The following GAP43 variants were observed in gnomAD, a reference collection of about 807,000 sequenced individuals.
GAP43 encodes neuromodulin.
GAP43 carries 6 observed loss-of-function variants against 18.6 expected under a neutral mutation model. The ratio of observed to expected loss-of-function variants is 0.32; its 90% CI spans 0.18 to 0.64. The LOEUF (loss-of-function observed/expected upper bound fraction) is 0.64, where lower values mean the gene tolerates loss of function less well. Ranked by LOEUF, GAP43 falls within the 30% of genes least tolerant of loss-of-function variation. GAP43 has a pLI of 0.78. For synonymous variants in GAP43, 115 were observed against 111.4 expected, an observed-to-expected ratio of 1.03 and a Z score of -0.20; for missense variants, 292 against 295.5, an observed-to-expected ratio of 0.99 and a Z score of 0.09.
chr3:115,692,020 G>T (rs1709121807), intron 2 of GAP43, among the ~76,000 whole-genome samples: 1 of 152,146 alleles, frequency 6.6e-6, no homozygotes. Context: ...GAACTGGATG[G>T]GCTTCAGGAG....
At chr3:115,688,370 C>T (rs1048640514) in intron 2 of GAP43, among the ~76,000 whole-genome samples, 1 of 152,078 alleles carries the variant, frequency 6.6e-6, no homozygotes, top group Non-Finnish European at 1.5e-5. Flanking sequence ...AAAAAATAGG[C>T]TAATAATGCA....
chr3:115,708,940 GTTTTTT>G (rs3086974), intron 2 of GAP43, among the ~76,000 whole-genome samples: 15 of 99,804 alleles, frequency 1.5e-4, no homozygotes, highest in East Asian at 3.0e-4. Flanking sequence ...AACTGGCTGG[GTTTTTT>G]TTTTTTTTTT....
chr3:115,663,712 T>C (rs762507865), intron 1 of GAP43: 10 of 1,509,382 alleles, frequency 6.6e-6, no homozygotes, highest in East Asian at 2.5e-5. Context: ...AAGATAAAAT[T>C]GGACTGACAG....
chr3:115,679,481 A>G lies in GAP43; in HGVS notation c.628+2871A>G, dbSNP rs977759343. On this transcript the variant is annotated intron_variant, in intron 2 of 2. Transcript: ENST00000305124. ...TGCCACGCTGCCTGCCCAGCTTTTT[A>G]CGTGCCTGGGACCAAAACATTTCAG... Among the ~76,000 whole-genome samples the G allele has an allele frequency of 3.3e-5, 5 of 152,200 alleles. No homozygotes were observed. The East Asian group carries it at 7.7e-4, about 23-fold the overall frequency.
chr3:115,661,626 C>T (rs1422550435), intron 1 of GAP43, among the ~76,000 whole-genome samples: 2 of 152,040 alleles, frequency 1.3e-5, no homozygotes, highest in Non-Finnish European at 2.9e-5. Context: ...GTAGCCGGGA[C>T]TACAGGCACC....
intron 2 of GAP43, among the ~76,000 whole-genome samples, chr3:115,708,940 G>GTTTTTTTTTTTTTTTTTTTTTTTTT (rs3086974): frequency 8.0e-5 from 8 of 99,808 alleles, no homozygotes; most frequent in African/African-American, 3.3e-4. Flanking sequence ...AACTGGCTGG[G>GTTTTTTTTTTTTTTTTTTTTTTTTT]TTTTTTTTTT....
intron 2 of GAP43, among the ~76,000 whole-genome samples, chr3:115,703,241 C>G: frequency 6.6e-6 from 1 of 152,024 alleles, no homozygotes; most frequent in Middle Eastern, 3.2e-3. Context: ...AAAGATGGCA[C>G]AATTCCAGTT....
chr3:115,720,914 C>T lies in GAP43; in HGVS notation c.*32C>T, dbSNP rs1709569958. 6.9e-7 allele frequency: 1 copy of T among 1,447,026 alleles called. No individual in the cohort carries two copies. The highest frequency in any genetic ancestry group is 9.7e-7 in the Non-Finnish European group (1 of 1,030,938). 89.6% of individuals were successfully genotyped at this position (1,447,026 alleles called of 1,614,324 possible). A position where few individuals can be genotyped will look rare whatever the true frequency, so the allele number is the denominator to read the frequency against. The stretch of plus-strand genomic sequence containing the variant: ...AGAAATGGCTTTCCACATCCCCACC[C>T]TCCCCTCTCCTGAGCCTGTCTCTCC... On this transcript the variant is annotated 3_prime_UTR_variant, in exon 3 of 3. Transcript: ENST00000305124.
At chr3:115,695,259 G>A (rs1709170201) in intron 2 of GAP43, among the ~76,000 whole-genome samples, 1 of 152,198 alleles carries the variant, frequency 6.6e-6, no homozygotes, top group Non-Finnish European at 1.5e-5. Context: ...GAAATGGAAT[G>A]TGACACACCC....
At position 115,663,806 on chromosome 3, in the gene GAP43, C is replaced by T. The variant is rs576408045; in HGVS notation, c.31-12207C>T. The T allele has an allele frequency of 4.3e-5, 67 of 1,551,778 alleles. No individual in the cohort carries two copies. The South Asian group carries it at 7.7e-4, about 18-fold the overall frequency. ...GACAAAGTCCTGCTCTGAATTATGCCACCCCGCACTCCACTTTTTACCTTG... is the reference window on the plus strand; with the variant it reads ...GACAAAGTCCTGCTCTGAATTATGCTACCCCGCACTCCACTTTTTACCTTG... On this transcript the variant is annotated intron_variant, in intron 1 of 2. Coordinates refer to ENST00000305124, the MANE Select transcript of GAP43 (RefSeq NM_002045.4).
At chr3:115,665,134 A>G (rs1353392542) in intron 1 of GAP43, among the ~76,000 whole-genome samples, 2 of 152,152 alleles carry the variant, frequency 1.3e-5, no homozygotes, top group Non-Finnish European at 2.9e-5. Context: ...ATAAATAAGT[A>G]TACTTCAAAA....
At position 115,698,108 on chromosome 3, in the gene GAP43, A is replaced by G. The variant is rs536445136; in HGVS notation, c.628+21498A>G. Among the ~76,000 whole-genome samples, 198 of 28,420 alleles carry G rather than the reference A, an allele frequency of 7.0e-3. 4 individuals are homozygous for G. The highest frequency in any genetic ancestry group is 0.022 in the Middle Eastern group (1 of 46). 18.6% of individuals were successfully genotyped at this position (28,420 alleles called of 152,430 possible). On this transcript the variant is annotated intron_variant, in intron 2 of 2. Transcript: ENST00000305124. Reference sequence around the variant, plus strand: ...AATATGTATTATATATAATATATAAAATATATAATATATATTATATATAAT... The same window carrying G: ...AATATGTATTATATATAATATATAAGATATATAATATATATTATATATAAT...
chr3:115,676,270 C>T lies in GAP43; in HGVS notation c.288C>T (p.Ser96=). 1.9e-6 allele frequency: 3 copies of T among 1,614,132 alleles called. No individual in the cohort carries two copies. Among genetic ancestry groups the T allele is most frequent in the Middle Eastern group, 1.6e-4 (1 of 6,062 alleles). ...TTAEAAPATG[S]KPDEPGKAGE... ...CCGAAGCAGCCCCAGCCACTGGCTC[C>T]AAGCCTGATGAGCCCGGCAAAGCAG... Residue 96 remains serine (S), a synonymous_variant, in exon 2 of 3, where the codon TCC becomes TCT. Transcript: ENST00000305124.
intron 1 of GAP43, among the ~76,000 whole-genome samples, chr3:115,639,596 C>A (rs777167347): frequency 6.6e-6 from 1 of 152,044 alleles, no homozygotes. Context: ...TGTACAATAA[C>A]GCTTAGTTGT....
intron 1 of GAP43, among the ~76,000 whole-genome samples, chr3:115,639,147 T>G (rs1708366119): frequency 6.6e-6 from 1 of 152,102 alleles, no homozygotes; most frequent in Admixed American, 6.5e-5. Context: ...CTTACAATGA[T>G]CAGTCATGGA....
At chr3:115,714,385 A>G (rs1709475375) in intron 2 of GAP43, among the ~76,000 whole-genome samples, 1 of 152,166 alleles carries the variant, frequency 6.6e-6, no homozygotes, top group Non-Finnish European at 1.5e-5. Context: ...GTTTTTGTCA[A>G]GGCTAAAATG....
rs1709575276 is a variant in GAP43, at chr3:115,721,202, G to A, written c.*320G>A. 2 of 169,030 alleles carry A rather than the reference G, an allele frequency of 1.2e-5. No individual in the cohort carries two copies. Among genetic ancestry groups the A allele is most frequent in the Non-Finnish European group, 1.3e-5 (1 of 78,398 alleles). 10.5% of individuals were successfully genotyped at this position (169,030 alleles called of 1,614,324 possible). ...GTATCCAAGTTATTTGATCTGGTGC[G>A]TGTGGCCCTGTGGGAGTCCACTTTC... is the stretch of plus-strand genomic sequence containing the variant. On this transcript the variant is annotated 3_prime_UTR_variant, in exon 3 of 3. Coordinates refer to ENST00000305124, the MANE Select transcript of GAP43 (RefSeq NM_002045.4).
rs1312772524 is a variant in GAP43 at position 115,721,459 on chromosome 3, A to G, written c.*577A>G. ...CTAAGGCTCCTTTTTCAACCCGAAT[A>G]TTAATAAATCATGAGAGTAATCAAG... On this transcript the variant is annotated 3_prime_UTR_variant, in exon 3 of 3. Coordinates refer to ENST00000305124, the MANE Select transcript of GAP43 (RefSeq NM_002045.4). 6.6e-6 allele frequency: 1 copy of G among 152,228 alleles called. No homozygotes were observed. The highest frequency in any genetic ancestry group is 1.5e-5 in the Non-Finnish European group (1 of 68,052). The allele number at this position is 152,228 out of a possible 1,614,324, so 9.4% of individuals were successfully genotyped here.
At position 115,628,367 on chromosome 3, in the gene GAP43, T is replaced by C. The variant is rs115253275; in HGVS notation, c.30+4648T>C. On this transcript the variant is annotated intron_variant, in intron 1 of 2. Coordinates refer to ENST00000305124, the MANE Select transcript of GAP43 (RefSeq NM_002045.4). ...GCCTCATCTATCTTAAAAGATTCTC[T>C]CCTGACTCTATGTCCCCATCTCTAT... Among the ~76,000 whole-genome samples the C allele has an allele frequency of 7.6e-3, 1,153 of 152,158 alleles. 16 individuals are homozygous for C. Among genetic ancestry groups the C allele is most frequent in the African/African-American group, 0.026 (1,066 of 41,510 alleles).
Sources: allele counts gnomAD v4.1 joint callset (sites outside exome capture counted in the v4.1 genomes callset), GRCh38; gene constraint gnomAD v4.1.1; transcripts MANE v1.5; gene names NCBI Gene and HGNC (gene_info 2026-07-23, HGNC 2026-07-21).